The following DOCK10 variants were observed in gnomAD, a reference collection of about 807,000 sequenced individuals.
The protein encoded by DOCK10 is dedicator of cytokinesis protein 10.
DOCK10 carries 145 observed loss-of-function variants against 280.1 expected under a neutral mutation model. The observed-to-expected ratio is 0.52, with a 90% CI of 0.45 to 0.59. DOCK10 has a LOEUF of 0.59. Ranked by LOEUF, DOCK10 falls within the 20% of genes least tolerant of loss-of-function variation. DOCK10 has a pLI of 0.00. For synonymous variants in DOCK10, 915 were observed against 942.2 expected (o/e 0.97, Z 0.53); for missense variants, 2,368 against 2,651.7 (o/e 0.89, Z 2.35).
intron 3 of DOCK10, among the ~76,000 whole-genome samples, chr2:224,907,124 A>T (rs1407238117): frequency 6.6e-6 from 1 of 152,226 alleles, no homozygotes. Flanking sequence ...CACCGGATTC[A>T]CAGTTGCCCC....
At chr2:224,800,880 T>G (rs1473610224) in intron 40 of DOCK10, among the ~76,000 whole-genome samples, 1 of 152,108 alleles carries the variant, frequency 6.6e-6, no homozygotes, top group Non-Finnish European at 1.5e-5. Flanking sequence ...AAGACATCAA[T>G]CAATACGTGT....
rs1694151923 is a variant in DOCK10 at position 224,816,631 on chromosome 2, G to A, written c.3350C>T (p.Ser1117Leu). 1 of 1,600,278 alleles carries A rather than the reference G, an allele frequency of 6.2e-7. No individual in the cohort carries two copies. Among genetic ancestry groups the A allele is most frequent in the Admixed American group, 1.7e-5 (1 of 59,102 alleles). Residue 1117 changes from serine (S) to leucine (L), a missense_variant, in exon 30 of 56, where the codon TCA (serine) becomes TTA (leucine). Ser to Leu is a moderately radical substitution (Grantham distance 145, BLOSUM62 -2). This residue lies in a region of DOCK10 where 1,159 missense variants were observed against 1,400.8 expected (regional missense o/e 0.83). Transcript: ENST00000258390. Reference protein sequence around the residue: ...HFIPLCLPIRSANIPDPLTPS... With the variant: ...HFIPLCLPIRLANIPDPLTPS... Reference sequence around the variant, plus strand: ...AATTTTATTACCTGGAATGTTTGCTGATCTTATGGGCAGACACAAAGGGAT... The same window carrying A: ...AATTTTATTACCTGGAATGTTTGCTAATCTTATGGGCAGACACAAAGGGAT...
At chr2:224,856,717 T>C in intron 15 of DOCK10, 143 bp downstream of exon 15, 1 of 652,758 alleles carries the variant, frequency 1.5e-6, no homozygotes, top group Non-Finnish European at 2.4e-6. Context: ...GTGGTGCTAT[T>C]TGGGCATATG....
chr2:224,834,025 T>C, intron 26 of DOCK10, 125 bp downstream of exon 26: 1 of 629,818 alleles, frequency 1.6e-6, no homozygotes, highest in African/African-American at 1.8e-5. Flanking sequence ...AGTTTCAATA[T>C]GAACCTTATG....
chr2:224,780,246 A>G (rs572690313), intron 50 of DOCK10, among the ~76,000 whole-genome samples: 4 of 152,194 alleles, frequency 2.6e-5, no homozygotes, highest in African/African-American at 7.2e-5. Context: ...TTGTAGGGGT[A>G]GTGAGGTCTG....
At chr2:225,028,248 C>T (rs991073080) in intron 1 of DOCK10, among the ~76,000 whole-genome samples, 6 of 152,050 alleles carry the variant, frequency 3.9e-5, no homozygotes, top group African/African-American at 9.7e-5. Flanking sequence ...AGGGGCGCAA[C>T]ATGTGAAGAA....
intron 44 of DOCK10, among the ~76,000 whole-genome samples, chr2:224,795,572 C>T (rs1206530297): frequency 6.6e-6 from 1 of 152,204 alleles, no homozygotes; most frequent in African/African-American, 2.4e-5. Flanking sequence ...TGATTTTCTA[C>T]TCATAAGATA....
At chr2:224,906,644 A>G (rs1700657678) in intron 3 of DOCK10, among the ~76,000 whole-genome samples, 1 of 152,038 alleles carries the variant, frequency 6.6e-6, no homozygotes, top group Non-Finnish European at 1.5e-5. Context: ...ATGCCCAGCT[A>G]ATTATTTTGT....
chr2:224,847,622 A>G (rs1307795648), intron 19 of DOCK10, among the ~76,000 whole-genome samples: 2 of 152,222 alleles, frequency 1.3e-5, no homozygotes, highest in African/African-American at 4.8e-5. Flanking sequence ...TTTGTCAACC[A>G]GTTGACCCTT....
intron 2 of DOCK10, among the ~76,000 whole-genome samples, chr2:224,920,137 A>T (rs1701610983): frequency 6.6e-6 from 1 of 152,094 alleles, no homozygotes; most frequent in South Asian, 2.1e-4. Context: ...CAGTGGTACA[A>T]TCACAGCTCA....
chr2:224,959,522 C>A (rs1704243567), intron 1 of DOCK10, among the ~76,000 whole-genome samples: 1 of 151,082 alleles, frequency 6.6e-6, no homozygotes, highest in South Asian at 2.1e-4. Flanking sequence ...CACATTTAGT[C>A]CAGATGATGC....
intron 7 of DOCK10, among the ~76,000 whole-genome samples, chr2:224,883,214 T>C (rs1340537466): frequency 6.6e-6 from 1 of 152,178 alleles, no homozygotes; most frequent in Non-Finnish European, 1.5e-5. Flanking sequence ...CATTCATACC[T>C]CCATCATCGC....
intron 13 of DOCK10, 48 bp downstream of exon 13, chr2:224,864,505 A>C: frequency 6.8e-7 from 1 of 1,468,970 alleles, no homozygotes; most frequent in Non-Finnish European, 9.1e-7. Flanking sequence ...GAGAGACTCT[A>C]TTAAAAAAAA....
At chr2:224,870,815 ATTTTTTTTTTTTTTTTT>A (rs71410336) in intron 11 of DOCK10, among the ~76,000 whole-genome samples, 1 of 52,620 alleles carries the variant, frequency 1.9e-5, no homozygotes. Context: ...TGGCCACTCC[ATTTTTTTTTTTTTTTTT>A]TTTTTTTTTT....
At chr2:225,038,257 C>G (rs1690320004) in intron 1 of DOCK10, among the ~76,000 whole-genome samples, 1 of 136,708 alleles carries the variant, frequency 7.3e-6, no homozygotes, top group African/African-American at 2.5e-5. Context: ...TTGGGAAATT[C>G]CAGTATCCCC....
rs562599329 is a variant in DOCK10, at chr2:224,998,909, G to A, written c.123+43343C>T. Among the ~76,000 whole-genome samples, 8 of 152,230 alleles carry A rather than the reference G, an allele frequency of 5.3e-5. No individual in the cohort carries two copies. In the South Asian group the frequency reaches 6.2e-4, roughly 12 times the overall value. ...TGCTCTTAAAATTTCATTTATAGCC[G>A]GGTGTGGTGGCTCACATCTGTAATC... On this transcript the variant is annotated intron_variant, in intron 1 of 55. Transcript: ENST00000258390.
intron 27 of DOCK10, among the ~76,000 whole-genome samples, chr2:224,825,853 A>C (rs1425449462): frequency 6.6e-6 from 1 of 152,212 alleles, no homozygotes; most frequent in Non-Finnish European, 1.5e-5. Flanking sequence ...CCCAAGCTGC[A>C]GAGCTGGACC....
At chr2:224,854,905 C>T in intron 16 of DOCK10, 58 bp downstream of exon 16, 1 of 1,359,170 alleles carries the variant, frequency 7.4e-7, no homozygotes, top group South Asian at 1.3e-5. Flanking sequence ...CCAAAACAAA[C>T]CCACTAAATA....
chr2:224,804,256 A>C (rs1374874102), intron 38 of DOCK10, 43 bp from the exon 39 acceptor site: 1 of 1,186,980 alleles, frequency 8.4e-7, no homozygotes. Flanking sequence ...CAGTGTTTGT[A>C]ATTTACATAT....
Sources: allele counts gnomAD v4.1 joint callset (sites outside exome capture counted in the v4.1 genomes callset), GRCh38; gene constraint gnomAD v4.1.1; regional missense constraint gnomAD v4.1.1; transcripts MANE v1.5; gene names NCBI Gene and HGNC (gene_info 2026-07-23, HGNC 2026-07-21).